Variants in P2RY14 observed in about 807,000 individuals in gnomAD.
The protein encoded by P2RY14 is P2Y purinoceptor 14.
In P2RY14, 2 loss-of-function variants were observed where a neutral mutation model predicts 0.9. The observed-to-expected ratio is 2.16, with a 90% CI of 0.88 to 6.79. The LOEUF is 6.79. Ranked by LOEUF, P2RY14 falls within the 30% of genes most tolerant of loss-of-function variation. The probability of loss-of-function intolerance (pLI) is 0.05; values close to 1 mark genes in which losing one functional copy is unlikely to be tolerated. For synonymous variants in P2RY14, 158 were observed against 147.2 expected, an observed-to-expected ratio of 1.07 and a Z score of -0.53; for missense variants, 378 against 400.1, an observed-to-expected ratio of 0.94 and a Z score of 0.47.
Position 151,213,563 on chromosome 3 carries a change from C to A in P2RY14, c.754G>T (p.Ala252Ser), listed in dbSNP as rs768554240. 5 of 1,614,050 alleles carry A rather than the reference C, an allele frequency of 3.1e-6. No individual in the cohort carries two copies. The African/African-American group carries it at 6.7e-5, about 22-fold the overall frequency. ...TGACTCTTTGTGTAGGGGATTCTGG[C>A]AATATGGTAAGGTACAAAACAGACA... Reference protein sequence around the residue: ...FFVCFVPYHIARIPYTKSQTE... With the variant: ...FFVCFVPYHISRIPYTKSQTE... Residue 252 changes from alanine to serine, a missense_variant, in exon 3 of 3, where the codon GCC becomes TCC. By Grantham distance (99) the Ala-to-Ser change is moderately conservative. Coordinates refer to ENST00000309170, the MANE Select transcript of P2RY14 (RefSeq NM_014879.4).
Position 151,214,336 on chromosome 3 carries a change from G to T in P2RY14, c.-20C>A. ...GATCATCTTGTAACTTCTGAAGGCA[G>T]AGGCCTGAAAAGAGGTGTGAACTGG... On this transcript the variant is annotated 5_prime_UTR_variant, in exon 3 of 3. The change creates a new upstream start codon in the 5' untranslated region. Transcript: ENST00000309170. 6.2e-7 allele frequency: 1 copy of T among 1,604,338 alleles called. No homozygotes were observed. Among genetic ancestry groups the T allele is most frequent in the Non-Finnish European group, 8.5e-7 (1 of 1,175,046 alleles).
At chr3:151,220,315 G>C (rs1181432574) in intron 1 of P2RY14, among the ~76,000 whole-genome samples, 1 of 151,962 alleles carries the variant, frequency 6.6e-6, no homozygotes, top group Non-Finnish European at 1.5e-5. Flanking sequence ...GCAAAATGGT[G>C]GTTGGATTTG....
chr3:151,252,557 G>T (rs1399056129), intron 1 of P2RY14, among the ~76,000 whole-genome samples: 1 of 152,046 alleles, frequency 6.6e-6, no homozygotes, highest in Non-Finnish European at 1.5e-5. Context: ...AAGATGTGTT[G>T]CTTCCTTAAT....
At chr3:151,214,922 A>G (rs1727896601) in intron 2 of P2RY14, among the ~76,000 whole-genome samples, 1 of 152,206 alleles carries the variant, frequency 6.6e-6, no homozygotes. Context: ...TTCCTAAAAG[A>G]GAAATTTTTA....
At chr3:151,260,340 A>G (rs1026970289) in intron 1 of P2RY14, among the ~76,000 whole-genome samples, 2 of 152,058 alleles carry the variant, frequency 1.3e-5, no homozygotes, top group Admixed American at 1.3e-4. Flanking sequence ...ATCTTTTAAA[A>G]GCCAGTTTTT....
intron 1 of P2RY14, among the ~76,000 whole-genome samples, chr3:151,227,825 G>GT (rs1380767858): frequency 6.6e-6 from 1 of 152,208 alleles, no homozygotes; most frequent in Non-Finnish European, 1.5e-5. Context: ...ACTGTTAACT[G>GT]TTTTTTTCGG....
chr3:151,215,888 C>G (rs566585720), intron 2 of P2RY14, among the ~76,000 whole-genome samples: 3 of 152,190 alleles, frequency 2.0e-5, no homozygotes, highest in African/African-American at 7.2e-5. Context: ...TTCTCTCAGC[C>G]TGGACCTTTG....
intron 1 of P2RY14, among the ~76,000 whole-genome samples, chr3:151,254,701 C>T (rs934824337): frequency 2.0e-5 from 3 of 152,184 alleles, no homozygotes; most frequent in African/African-American, 4.8e-5. Context: ...AGCATAGATG[C>T]TTCTTAGCAT....
At chr3:151,239,580 CCTG>C (rs1290699162) in intron 1 of P2RY14, among the ~76,000 whole-genome samples, 3 of 152,054 alleles carry the variant, frequency 2.0e-5, no homozygotes, top group Non-Finnish European at 2.9e-5. Flanking sequence ...CTTGTGTTAA[CCTG>C]CTATTTAAAA....
intron 1 of P2RY14, among the ~76,000 whole-genome samples, chr3:151,268,194 C>G (rs1021451888): frequency 6.6e-6 from 1 of 151,844 alleles, no homozygotes; most frequent in African/African-American, 2.4e-5. Flanking sequence ...TAAAATAATG[C>G]CAGTGTTTTA....
Position 151,212,356 on chromosome 3 carries a change from G to A in P2RY14, c.*944C>T, listed in dbSNP as rs1434728774. On this transcript the variant is annotated 3_prime_UTR_variant, in exon 3 of 3. Transcript: ENST00000309170. ...TGTGATGTGTGAATTTTCATTTTAT[G>A]TGTTATTTTGCACTCATTAATGTAA... is the stretch of plus-strand genomic sequence containing the variant. 1 of 152,094 alleles carries A rather than the reference G, an allele frequency of 6.6e-6. No individual in the cohort carries two copies. Among genetic ancestry groups the A allele is most frequent in the Admixed American group, 6.5e-5 (1 of 15,284 alleles). The allele number at this position is 152,094 out of a possible 1,614,324, so 9.4% of individuals were successfully genotyped here. A position where few individuals can be genotyped will look rare whatever the true frequency, so the allele number is the denominator to read the frequency against.
chr3:151,220,286 T>TA, intron 1 of P2RY14, among the ~76,000 whole-genome samples: 1 of 152,070 alleles, frequency 6.6e-6, no homozygotes, highest in South Asian at 2.1e-4. Flanking sequence ...TGTGGTCTGA[T>TA]AGGAAGAGGA....
chr3:151,235,017 T>A (rs1732450758), intron 1 of P2RY14, among the ~76,000 whole-genome samples: 1 of 152,228 alleles, frequency 6.6e-6, no homozygotes, highest in South Asian at 2.1e-4. Context: ...TCAGGCGTGT[T>A]TTTTTGTATG....
At chr3:151,237,610 C>A (rs1029008398) in intron 1 of P2RY14, among the ~76,000 whole-genome samples, 2 of 152,060 alleles carry the variant, frequency 1.3e-5, no homozygotes, top group Non-Finnish European at 2.9e-5. Flanking sequence ...CTCGGCCTCC[C>A]AAAGTGCTGG....
chr3:151,264,386 T>TA (rs1248215616), intron 1 of P2RY14, among the ~76,000 whole-genome samples: 22 of 152,230 alleles, frequency 1.4e-4, no homozygotes, highest in African/African-American at 5.1e-4. Flanking sequence ...ACGAGGGCAG[T>TA]AGGAGTGTAT....
intron 1 of P2RY14, among the ~76,000 whole-genome samples, chr3:151,236,969 C>T (rs546895242): frequency 1.1e-4 from 17 of 151,226 alleles, no homozygotes; most frequent in Middle Eastern, 3.4e-3. Context: ...GAAAATTTCT[C>T]GTGGATATAA....
intron 1 of P2RY14, among the ~76,000 whole-genome samples, chr3:151,250,666 C>T (rs187786469): frequency 1.3e-5 from 2 of 152,322 alleles, no homozygotes; most frequent in East Asian, 3.9e-4. Context: ...GTTTATTCAT[C>T]TGTCCATAGT....
chr3:151,263,157 G>A (rs563446217), intron 1 of P2RY14, among the ~76,000 whole-genome samples: 1 of 152,256 alleles, frequency 6.6e-6, no homozygotes, highest in African/African-American at 2.4e-5. Context: ...CAACAGCTGA[G>A]GAGTGTGCAC....
At chr3:151,270,479 A>G (rs1423181336) in intron 1 of P2RY14, among the ~76,000 whole-genome samples, 1 of 152,128 alleles carries the variant, frequency 6.6e-6, no homozygotes, top group Non-Finnish European at 1.5e-5. Flanking sequence ...TGGAATTTGC[A>G]TGGTGCTAAG....
Sources: gnomAD v4.1 joint callset for allele counts (sites outside exome capture counted in the v4.1 genomes callset) on GRCh38, gnomAD v4.1.1 for gene constraint, MANE v1.5 for transcripts, NCBI Gene and HGNC (gene_info 2026-07-23, HGNC 2026-07-21) for gene names.